The following SH2D4A variants were observed in gnomAD, a reference collection of about 807,000 sequenced individuals.
SH2D4A encodes SH2 domain-containing protein 4A.
SH2D4A carries 70 observed loss-of-function variants against 64.7 expected under a neutral mutation model. The ratio of observed to expected loss-of-function variants is 1.08; its 90% CI spans 0.89 to 1.32. The LOEUF is 1.32. Among genes scored for constraint, SH2D4A ranks in the 40% most tolerant of loss-of-function variants. SH2D4A has a pLI of 0.00. For synonymous variants in SH2D4A, 268 were observed against 200.7 expected (o/e 1.34, Z -2.83); for missense variants, 706 against 540.1 (o/e 1.31, Z -3.04).
At chr8:19,329,208 A>G (rs1438099497) in intron 2 of SH2D4A, among the ~76,000 whole-genome samples, 3 of 152,112 alleles carry the variant, frequency 2.0e-5, no homozygotes, top group Admixed American at 1.3e-4. Flanking sequence ...ACTCAGTACA[A>G]AGAACTTGTC....
At chr8:19,387,784 A>G (rs2053415517) in intron 8 of SH2D4A, among the ~76,000 whole-genome samples, 1 of 152,230 alleles carries the variant, frequency 6.6e-6, no homozygotes. Context: ...TGTATAATGC[A>G]GATCAGTAGG....
chr8:19,379,172 C>G (rs1275639040), intron 8 of SH2D4A, among the ~76,000 whole-genome samples: 2 of 152,066 alleles, frequency 1.3e-5, no homozygotes, highest in Non-Finnish European at 2.9e-5. Context: ...TAATAATGCT[C>G]CATTCACCAC....
intron 2 of SH2D4A, among the ~76,000 whole-genome samples, chr8:19,324,877 G>A (rs2052252543): frequency 1.3e-5 from 2 of 152,080 alleles, no homozygotes; most frequent in African/African-American, 4.8e-5. Flanking sequence ...CCTAGGGTAA[G>A]GTGAAAGTTC....
chr8:19,359,948 C>G (rs1295333375), intron 5 of SH2D4A, among the ~76,000 whole-genome samples: 1 of 152,224 alleles, frequency 6.6e-6, no homozygotes, highest in African/African-American at 2.4e-5. Flanking sequence ...GCAGCCCTTT[C>G]TGGCCATTTC....
chr8:19,369,269 A>G (rs1156241352), intron 7 of SH2D4A, among the ~76,000 whole-genome samples: 1 of 152,032 alleles, frequency 6.6e-6, no homozygotes, highest in Non-Finnish European at 1.5e-5. Context: ...TATGTTCATC[A>G]TCATCAGGAA....
At chr8:19,317,206 C>A (rs1006154006) in intron 1 of SH2D4A, among the ~76,000 whole-genome samples, 1 of 152,004 alleles carries the variant, frequency 6.6e-6, no homozygotes, top group African/African-American at 2.4e-5. Context: ...CCTTTCTTAC[C>A]ACTTTATCTT....
intron 8 of SH2D4A, among the ~76,000 whole-genome samples, chr8:19,386,692 T>G (rs1445605850): frequency 1.3e-5 from 2 of 152,208 alleles, no homozygotes; most frequent in African/African-American, 4.8e-5. Context: ...TTTGGGGGTT[T>G]CACTTGGAAT....
At chr8:19,379,208 A>T (rs2053249389) in intron 8 of SH2D4A, among the ~76,000 whole-genome samples, 1 of 152,150 alleles carries the variant, frequency 6.6e-6, no homozygotes, top group Non-Finnish European at 1.5e-5. Flanking sequence ...GGCAACTACC[A>T]TGGTGCTTTC....
rs1275657700 is a variant in SH2D4A, at chr8:19,313,842, G to A, written c.-205+19G>A. ...AGCACTGGTAGGTGCTGGGGGTGGGGCGAGGCTTTGGGGAGAGTGTGCGTG... is the reference window on the plus strand; with the variant it reads ...AGCACTGGTAGGTGCTGGGGGTGGGACGAGGCTTTGGGGAGAGTGTGCGTG... On this transcript the variant is annotated intron_variant, in intron 1 of 9. Transcript: ENST00000265807. The A allele has an allele frequency of 6.8e-7, 1 of 1,474,574 alleles. No homozygotes were observed. Among genetic ancestry groups the A allele is most frequent in the Admixed American group, 2.4e-5 (1 of 42,016 alleles). The allele number at this position is 1,474,574 out of a possible 1,614,324, so 91.3% of individuals were successfully genotyped here.
At chr8:19,342,606 C>G (rs1344832903) in intron 4 of SH2D4A, among the ~76,000 whole-genome samples, 1 of 152,112 alleles carries the variant, frequency 6.6e-6, no homozygotes, top group Non-Finnish European at 1.5e-5. Context: ...ATTTTTATTC[C>G]TGTTCCGAGT....
chr8:19,336,457 G>T (rs1267579242), intron 4 of SH2D4A, among the ~76,000 whole-genome samples: 2 of 152,002 alleles, frequency 1.3e-5, no homozygotes, highest in Admixed American at 1.3e-4. Context: ...GGTGTGCTTT[G>T]CACTCAGCAT....
At chr8:19,314,150 C>A in intron 1 of SH2D4A, 1 of 1,058,088 alleles carries the variant, frequency 9.5e-7, no homozygotes. Flanking sequence ...GAGGGTCTGC[C>A]GGGGCTGAGG....
intron 4 of SH2D4A, among the ~76,000 whole-genome samples, chr8:19,355,430 A>G (rs2153647380): frequency 6.6e-6 from 1 of 152,316 alleles, no homozygotes; most frequent in East Asian, 1.9e-4. Flanking sequence ...GCAGAGCAGC[A>G]AAGTATACTT....
chr8:19,373,082 A>T (rs923134402), intron 7 of SH2D4A, among the ~76,000 whole-genome samples: 2 of 152,118 alleles, frequency 1.3e-5, no homozygotes, highest in African/African-American at 4.8e-5. Context: ...TTGGAAGTTA[A>T]TGGAGCTTAT....
intron 1 of SH2D4A, 169 bp downstream of exon 1, chr8:19,313,992 C>T: frequency 8.1e-7 from 1 of 1,238,110 alleles, no homozygotes; most frequent in Admixed American, 4.4e-5. Context: ...CCGGGGCGGG[C>T]TCAGGTGCGG....
intron 1 of SH2D4A, among the ~76,000 whole-genome samples, chr8:19,317,870 T>C (rs991878697): frequency 2.0e-5 from 3 of 152,150 alleles, no homozygotes; most frequent in Non-Finnish European, 2.9e-5. Context: ...GGTGTTATTA[T>C]AAATAACAAA....
intron 7 of SH2D4A, among the ~76,000 whole-genome samples, chr8:19,365,378 C>T (rs559988821): frequency 6.6e-6 from 1 of 152,174 alleles, no homozygotes. Context: ...AATGATTCTT[C>T]TCTTACCGAC....
chr8:19,389,070 C>T (rs1274491832), intron 8 of SH2D4A, among the ~76,000 whole-genome samples: 1 of 152,178 alleles, frequency 6.6e-6, no homozygotes, highest in African/African-American at 2.4e-5. Context: ...CTAGGAGAAA[C>T]TGAGACTGAC....
intron 3 of SH2D4A, among the ~76,000 whole-genome samples, chr8:19,334,303 T>C (rs1163901780): frequency 1.3e-5 from 2 of 152,136 alleles, no homozygotes; most frequent in African/African-American, 4.8e-5. Flanking sequence ...TTTAAAACTA[T>C]CCATGGACAT....
Sources: gnomAD v4.1 joint callset for allele counts (sites outside exome capture counted in the v4.1 genomes callset) on GRCh38, gnomAD v4.1.1 for gene constraint, MANE v1.5 for transcripts, NCBI Gene and HGNC (gene_info 2026-07-23, HGNC 2026-07-21) for gene names.